ACOX3: variants seen among roughly 807,000 people sequenced by gnomAD.
The protein encoded by ACOX3 is acyl-CoA oxidase 3, pristanoyl.
In ACOX3, 73 loss-of-function variants were observed where a neutral mutation model predicts 81.5. That is an observed-to-expected ratio of 0.90 (90% CI 0.74 to 1.09). ACOX3 has a LOEUF of 1.09. Among genes scored for constraint, ACOX3 ranks in the 50% least tolerant of loss-of-function variants. The probability of loss-of-function intolerance (pLI) is 0.00; values close to 1 mark genes in which losing one functional copy is unlikely to be tolerated. For missense variants in ACOX3, 947 were observed against 928.0 expected, an observed-to-expected ratio of 1.02 and a Z score of -0.27; for synonymous variants, 387 against 375.1, an observed-to-expected ratio of 1.03 and a Z score of -0.37.
chr4:8,393,627 A>G (rs1235544883), intron 10 of ACOX3, among the ~76,000 whole-genome samples: 1 of 117,932 alleles, frequency 8.5e-6, no homozygotes, highest in African/African-American at 3.3e-5. Flanking sequence ...ACACACACAC[A>G]CACACACACG....
intron 1 of ACOX3, among the ~76,000 whole-genome samples, chr4:8,418,678 G>A (rs1578979121): frequency 1.3e-5 from 2 of 151,056 alleles, no homozygotes; most frequent in East Asian, 2.0e-4. Context: ...TGGCCAACAC[G>A]GTGAAACCCC....
chr4:8,412,175 T>C (rs149232006), intron 5 of ACOX3, among the ~76,000 whole-genome samples: 1 of 152,334 alleles, frequency 6.6e-6, no homozygotes, highest in African/African-American at 2.4e-5. Context: ...GATAAAGATA[T>C]CTTATGGCTT....
At chr4:8,412,037 C>T (rs1721781808) in intron 5 of ACOX3, among the ~76,000 whole-genome samples, 1 of 152,232 alleles carries the variant, frequency 6.6e-6, no homozygotes, top group African/African-American at 2.4e-5. Flanking sequence ...ATGCCCCACC[C>T]CAAGGCTACC....
intron 5 of ACOX3, among the ~76,000 whole-genome samples, chr4:8,411,529 C>G (rs907878301): frequency 5.3e-5 from 8 of 152,158 alleles, no homozygotes; most frequent in African/African-American, 1.9e-4. Context: ...CAGCCAGGCC[C>G]TCCCCATTCA....
intron 1 of ACOX3, among the ~76,000 whole-genome samples, chr4:8,435,564 CAG>C (rs1191895021): frequency 6.6e-6 from 1 of 151,894 alleles, no homozygotes; most frequent in Non-Finnish European, 1.5e-5. Context: ...GAACTACAGA[CAG>C]GGAACAATTG....
intron 13 of ACOX3, among the ~76,000 whole-genome samples, chr4:8,387,460 G>A (rs7696306): frequency 0.26 from 38,878 of 152,156 alleles, 5,400 homozygotes; most frequent in African/African-American, 0.37. Context: ...GGGACAGGGC[G>A]TCGGGACCCC....
chr4:8,357,087 G>A, the ACOX3 span: 1 of 455,610 alleles, frequency 2.2e-6, no homozygotes, highest in African/African-American at 2.0e-5. Context: ...CATGATCCTG[G>A]CAGGTGAGAG....
intron 1 of ACOX3, among the ~76,000 whole-genome samples, chr4:8,434,692 C>T (rs775573431): frequency 2.9e-4 from 44 of 152,380 alleles, no homozygotes; most frequent in Admixed American, 9.1e-4. Flanking sequence ...TGAGTGGAAG[C>T]GTGGCCTGAT....
chr4:8,374,996 C>A lies in ACOX3; in HGVS notation c.1810G>T (p.Ala604Ser), dbSNP rs765630911. The stretch of plus-strand genomic sequence containing the variant: ...GCCTCACCTCGGTAGAGCAGGGCCG[C>A]GTGGCGGCTCAGGGACCACAGGGCG... ...LYALWSLSRH[A>S]ALLYRGGYFS... The change falls in exon 15 of 18, where the codon GCG becomes TCG. Residue 604 changes from alanine (A) to serine (S), a missense_variant. Ala to Ser is a moderately conservative substitution (Grantham distance 99). Transcript: ENST00000356406. 83 of 1,531,592 alleles carry A rather than the reference C, an allele frequency of 5.4e-5. No individual in the cohort carries two copies. The highest frequency in any genetic ancestry group is 6.4e-5 in the Non-Finnish European group (72 of 1,132,418). The allele number at this position is 1,531,592 out of a possible 1,614,324, so 94.9% of individuals were successfully genotyped here.
In ACOX3 at chr4:8,399,650, A is replaced by G; in HGVS notation, c.779T>C (p.Phe260Ser). Residue 260 changes from phenylalanine to serine, a missense_variant and splice_region_variant, in exon 8 of 18, where the codon TTC becomes TCC. By Grantham distance (155) the Phe-to-Ser change is radical (BLOSUM62 -2). Transcript: ENST00000356406. This position sits in a 1 kb window ranked among gnomAD's most constrained non-coding sequence, Gnocchi z 4.9. ...KLGQNGLDNG[F>S]AMFHKVRVPR... ...AACTCTGACCTTGTGGAACATGGCG[A>G]AACTGTGGGGAAGCAGCAGGGCTTC... The G allele has an allele frequency of 6.2e-7, 1 of 1,613,964 alleles. No homozygotes were observed. The highest frequency in any genetic ancestry group is 8.5e-7 in the Non-Finnish European group (1 of 1,179,870).
chr4:8,414,863 G>A lies in ACOX3; in HGVS notation c.444C>T (p.Phe148=). ...ATGAACCAGAACTTACCTCCATCCT[G>A]AAGATCTTTTGAATATATGTGAGAT... ...ERHLTYIQKI[F]RMEIFGCFAL... The change falls in exon 4 of 18, where the codon TTC becomes TTT. Residue 148 remains phenylalanine, a synonymous_variant. Transcript: ENST00000356406. This position sits in a 1 kb window ranked among gnomAD's most constrained non-coding sequence, Gnocchi z 6.1. 6.2e-7 allele frequency: 1 copy of A among 1,614,112 alleles called. No individual in the cohort carries two copies. Among genetic ancestry groups the A allele is most frequent in the South Asian group, 1.1e-5 (1 of 91,084 alleles).
chr4:8,367,407 T>A (rs954455712), intron 17 of ACOX3, among the ~76,000 whole-genome samples: 1 of 151,954 alleles, frequency 6.6e-6, no homozygotes, highest in Admixed American at 6.6e-5. Context: ...CACTTGAACC[T>A]GGGAGGTAGA....
intron 7 of ACOX3, among the ~76,000 whole-genome samples, chr4:8,403,625 T>C (rs1221042983): frequency 6.6e-6 from 1 of 152,330 alleles, no homozygotes; most frequent in East Asian, 1.9e-4. Context: ...TTAGTGGCGA[T>C]CCTATAGGAG....
rs59679946 is a variant in ACOX3, at chr4:8,405,116, C to T, written c.776+839G>A. 0.012 allele frequency among the ~76,000 whole-genome samples: 1,880 copies of T among 152,260 alleles called. 42 individuals are homozygous for T. The highest frequency in any genetic ancestry group is 0.043 in the African/African-American group (1,792 of 41,538). On this transcript the variant is annotated intron_variant, in intron 7 of 17. Transcript: ENST00000356406. This position sits in a 1 kb window ranked among gnomAD's most constrained non-coding sequence, Gnocchi z 7.1. Reference sequence around the variant, plus strand: ...AGCTGGTCAAGGTGACACAAAGGGCCGGCTGCACATCTGTCTCATTCCAAA... The same window carrying T: ...AGCTGGTCAAGGTGACACAAAGGGCTGGCTGCACATCTGTCTCATTCCAAA...
rs930029235 is a variant in ACOX3, at chr4:8,382,136, G to C, written c.1538-529C>G. Among the ~76,000 whole-genome samples, 1 of 152,204 alleles carries C rather than the reference G, an allele frequency of 6.6e-6. No individual in the cohort carries two copies. The highest frequency in any genetic ancestry group is 2.4e-5 in the African/African-American group (1 of 41,468). ...ACTGGGGACTGACATGGTGGGGGAG[G>C]GGGGAACCTAAGGCCTCACCCCCTG... On this transcript the variant is annotated intron_variant, in intron 13 of 17. Coordinates refer to ENST00000356406, the MANE Select transcript of ACOX3 (RefSeq NM_003501.3). The surrounding 1 kb of genome is among the most constrained non-coding windows in gnomAD (Gnocchi z 4.1).
chr4:8,356,879 C>G, the ACOX3 span: 1 of 455,720 alleles, frequency 2.2e-6, no homozygotes, highest in South Asian at 1.6e-5. Flanking sequence ...ATGATCCCAG[C>G]AGGGGAGAGG....
In ACOX3 at chr4:8,432,686, C is replaced by G. The variant is rs1220181605; in HGVS notation, c.-15+7962G>C. ...GGAGCCATCATTCTGATCAGCACAA[C>G]AGGGCTGCCACTCAGGGCGCTCAGA... On this transcript the variant is annotated intron_variant, in intron 1 of 17. Coordinates refer to ENST00000356406, the MANE Select transcript of ACOX3 (RefSeq NM_003501.3). The surrounding 1 kb of genome is among the most constrained non-coding windows in gnomAD (Gnocchi z 6.2). 2.6e-5 allele frequency among the ~76,000 whole-genome samples: 4 copies of G among 152,168 alleles called. No homozygotes were observed. The South Asian group carries it at 6.2e-4, about 24-fold the overall frequency.
chr4:8,395,775 A>G (rs74707300), intron 9 of ACOX3, among the ~76,000 whole-genome samples: 3,088 of 152,334 alleles, frequency 0.02, 114 homozygotes, highest in African/African-American at 0.07. Flanking sequence ...GGTGCCACAC[A>G]GGCATGAATG....
At chr4:8,377,272 C>T (rs79001725) in intron 14 of ACOX3, among the ~76,000 whole-genome samples, 7 of 152,210 alleles carry the variant, frequency 4.6e-5, no homozygotes, top group South Asian at 4.1e-4. Context: ...CTCTCCCCGT[C>T]GCCTGCACAG....
Sources: gnomAD v4.1 joint callset for allele counts (sites outside exome capture counted in the v4.1 genomes callset) on GRCh38, gnomAD v4.1.1 for gene constraint, Gnocchi (gnomAD v3.1) non-coding constraint, MANE v1.5 for transcripts, NCBI Gene and HGNC (gene_info 2026-07-23, HGNC 2026-07-21) for gene names.